AGBL1: variants seen among roughly 807,000 people sequenced by gnomAD.
AGBL1 encodes AGBL carboxypeptidase 1.
In AGBL1, 130 loss-of-function variants were observed where a neutral mutation model predicts 118.9. That is an observed-to-expected ratio of 1.09 (90% CI 0.95 to 1.26). The LOEUF (loss-of-function observed/expected upper bound fraction) is 1.26. Among genes scored for constraint, AGBL1 ranks in the 50% most tolerant of loss-of-function variants. The probability of loss-of-function intolerance (pLI) is 0.00; values close to 1 mark genes in which losing one functional copy is unlikely to be tolerated. For synonymous variants in AGBL1, 555 were observed against 478.9 expected (o/e 1.16, Z -2.08); for missense variants, 1,584 against 1,298.1 (o/e 1.22, Z -3.38).
chr15:86,942,810 G>C (rs1222807156), intron 23 of AGBL1, among the ~76,000 whole-genome samples: 2 of 152,122 alleles, frequency 1.3e-5, no homozygotes, highest in Admixed American at 1.3e-4. Context: ...TACTTATAAG[G>C]AGGCTAATGA....
intron 5 of AGBL1, among the ~76,000 whole-genome samples, chr15:86,206,798 GA>G (rs2078000815): frequency 6.6e-6 from 1 of 152,186 alleles, no homozygotes; most frequent in African/African-American, 2.4e-5. Context: ...TTGCTGTGCA[GA>G]AGCTCTATAG....
rs80131473 is a variant in AGBL1, at chr15:86,932,222, C to T, written c.3222-55765C>T. Among the ~76,000 whole-genome samples, 1,021 of 152,240 alleles carry T rather than the reference C, an allele frequency of 6.7e-3. 10 individuals are homozygous for T. The highest frequency in any genetic ancestry group is 0.034 in the Middle Eastern group (10 of 294). On this transcript the variant is annotated intron_variant, in intron 23 of 24. Transcript: ENST00000441037. ...AAGAGCCCTGTTATATCAACTATTG[C>T]TAATGTATAATGTAAAATTCCCTAA...
At chr15:86,631,884 T>C (rs1031398630) in intron 21 of AGBL1, among the ~76,000 whole-genome samples, 1 of 152,192 alleles carries the variant, frequency 6.6e-6, no homozygotes, top group Admixed American at 6.5e-5. Context: ...TGCTTCGTAC[T>C]AGTTTTAAAA....
intron 21 of AGBL1, among the ~76,000 whole-genome samples, chr15:86,670,817 C>T (rs1163040901): frequency 6.6e-6 from 1 of 151,824 alleles, no homozygotes; most frequent in Non-Finnish European, 1.5e-5. Context: ...ATTATCAGTA[C>T]TTATGCTATT....
intron 21 of AGBL1, among the ~76,000 whole-genome samples, chr15:86,647,431 C>T (rs537895885): frequency 1.3e-5 from 2 of 152,152 alleles, no homozygotes; most frequent in African/African-American, 2.4e-5. Context: ...CTGGGCGCAG[C>T]GCCTTACGCC....
At chr15:86,981,118 C>G (rs1178090326) in intron 23 of AGBL1, among the ~76,000 whole-genome samples, 1 of 152,078 alleles carries the variant, frequency 6.6e-6, no homozygotes, top group Non-Finnish European at 1.5e-5. Flanking sequence ...AACTCCTGAC[C>G]TCAGGTGATC....
At chr15:86,851,873 T>G (rs2079411661) in intron 22 of AGBL1, among the ~76,000 whole-genome samples, 1 of 152,154 alleles carries the variant, frequency 6.6e-6, no homozygotes, top group Non-Finnish European at 1.5e-5. Context: ...AGGGAGGTAG[T>G]GGGAAGTTCA....
chr15:86,504,058 T>C (rs983101423), intron 18 of AGBL1, among the ~76,000 whole-genome samples: 6 of 151,738 alleles, frequency 4.0e-5, no homozygotes, highest in Non-Finnish European at 8.9e-5. Context: ...ATTGTCTATT[T>C]ACTTCATTTC....
chr15:86,102,226 C>T (rs557172383), intron 1 of AGBL1, among the ~76,000 whole-genome samples: 15 of 151,880 alleles, frequency 9.9e-5, no homozygotes, highest in South Asian at 2.1e-4. Context: ...TTTTTAGTAG[C>T]GATGGGGTTT....
rs982989934 is a variant in AGBL1, at chr15:86,378,832, C to A, written c.2375-18534C>A. 3.3e-5 allele frequency among the ~76,000 whole-genome samples: 5 copies of A among 152,108 alleles called. No homozygotes were observed. In the South Asian group the frequency reaches 1.0e-3, roughly 32 times the overall value. On this transcript the variant is annotated intron_variant, in intron 17 of 22. Transcript: ENST00000614907. ...AGTTTTCCCAGGTTGGAGGAGTTCACCTGGACGCTTGCTTTCAGTGCTAAA... is the reference window on the plus strand; with the variant it reads ...AGTTTTCCCAGGTTGGAGGAGTTCAACTGGACGCTTGCTTTCAGTGCTAAA...
chr15:86,708,679 G>A (rs1360030439), intron 22 of AGBL1, among the ~76,000 whole-genome samples: 1 of 152,058 alleles, frequency 6.6e-6, no homozygotes, highest in African/African-American at 2.4e-5. Flanking sequence ...TGTTCTAAGA[G>A]GTTAATTCAC....
At chr15:86,167,174 A>G (rs2077353103) in intron 5 of AGBL1, among the ~76,000 whole-genome samples, 1 of 152,070 alleles carries the variant, frequency 6.6e-6, no homozygotes, top group Admixed American at 6.6e-5. Context: ...GGAGGTATGG[A>G]AAGACTCTTA....
At chr15:86,388,414 A>G (rs967616168) in intron 17 of AGBL1, among the ~76,000 whole-genome samples, 1 of 152,164 alleles carries the variant, frequency 6.6e-6, no homozygotes, top group Non-Finnish European at 1.5e-5. Flanking sequence ...GATTGAAACC[A>G]TTGGGTAAAA....
chr15:86,089,774 C>T (rs1311719739), intron 1 of AGBL1, among the ~76,000 whole-genome samples: 8 of 152,136 alleles, frequency 5.3e-5, no homozygotes, highest in Non-Finnish European at 1.0e-4. Flanking sequence ...ATTAAGCCAA[C>T]CAGTCCTGAG....
chr15:86,874,628 C>G (rs2079779705), intron 22 of AGBL1, among the ~76,000 whole-genome samples: 1 of 152,028 alleles, frequency 6.6e-6, no homozygotes, highest in African/African-American at 2.4e-5. Flanking sequence ...TAGGAAAATC[C>G]CTCTATGTGG....
rs78364477 is a variant in AGBL1, at chr15:86,603,196, T to C, written c.2994+48659T>C. The stretch of plus-strand genomic sequence containing the variant: ...AACATTTAGCCATCCCCCACCATCA[T>C]CCATTTCTCCACATTACTTTGTAGA... On this transcript the variant is annotated intron_variant, in intron 21 of 22. Transcript: ENST00000614907. Among the ~76,000 whole-genome samples the C allele has an allele frequency of 6.5e-3, 994 of 152,254 alleles. 3 individuals are homozygous for C. Among genetic ancestry groups the C allele is most frequent in the African/African-American group, 0.022 (918 of 41,562 alleles).
intron 22 of AGBL1, among the ~76,000 whole-genome samples, chr15:86,765,983 T>C (rs1313426719): frequency 6.6e-6 from 1 of 151,986 alleles, no homozygotes; most frequent in East Asian, 1.9e-4. Flanking sequence ...CCCAGACTGG[T>C]TGTAATTTCT....
intron 10 of AGBL1, among the ~76,000 whole-genome samples, chr15:86,263,708 C>G (rs928603072): frequency 1.3e-5 from 2 of 152,210 alleles, no homozygotes; most frequent in African/African-American, 4.8e-5. Flanking sequence ...GCTGCTGCCA[C>G]TGTTGCTGCC....
intron 5 of AGBL1, among the ~76,000 whole-genome samples, chr15:86,199,807 A>G (rs557449715): frequency 6.6e-6 from 1 of 152,322 alleles, no homozygotes; most frequent in East Asian, 1.9e-4. Context: ...ATTTCTCATA[A>G]TTTATATTAC....
Sources: gnomAD v4.1 joint callset for allele counts (sites outside exome capture counted in the v4.1 genomes callset) on GRCh38, gnomAD v4.1.1 for gene constraint, MANE v1.5 for transcripts, NCBI Gene and HGNC (gene_info 2026-07-23, HGNC 2026-07-21) for gene names.